Variants in RBFOX1 observed in about 807,000 individuals in gnomAD.
RBFOX1 encodes the protein RNA binding protein fox-1 homolog 1.
A neutral mutation model predicts 57.7 loss-of-function variants in RBFOX1; 8 were observed. That is an observed-to-expected ratio of 0.14 (90% CI 0.08 to 0.25). The LOEUF is 0.25. Ranked by LOEUF, RBFOX1 falls within the 10% of genes least tolerant of loss-of-function variation. The pLI, the probability that RBFOX1 is intolerant of heterozygous loss-of-function variation, is 1.00. For missense variants in RBFOX1, 611 were observed against 548.5 expected (o/e 1.11, Z -1.14); for synonymous variants, 326 against 222.4 (o/e 1.47, Z -4.15).
Position 7,332,888 on chromosome 16 carries a change from A to G in RBFOX1, c.28-185259A>G, listed in dbSNP as rs760329270. 1.5e-5 allele frequency: 23 copies of G among 1,565,774 alleles called. No individual in the cohort carries two copies. The Admixed American group carries it at 2.8e-4, about 19-fold the overall frequency. ...CGTTGATGAGTGCTTGGCTCCTGACAGAAGGGATTTGGCTCCCAGCTTTGT... is the reference window on the plus strand; with the variant it reads ...CGTTGATGAGTGCTTGGCTCCTGACGGAAGGGATTTGGCTCCCAGCTTTGT... On this transcript the variant is annotated intron_variant, in intron 4 of 15. Coordinates refer to ENST00000550418, the MANE Select transcript of RBFOX1 (RefSeq NM_018723.4).
rs144198088 is a variant in RBFOX1 at position 6,520,752 on chromosome 16, G to A, written c.-63-133851G>A. ...CTCTAAGTGGCTTCGTTTCGATCAA[G>A]TGCCAGTCCCTTGATTTGGTTATAC... On this transcript the variant is annotated intron_variant, in intron 2 of 15. Coordinates refer to ENST00000550418, the MANE Select transcript of RBFOX1 (RefSeq NM_018723.4). 2.2e-3 allele frequency among the ~76,000 whole-genome samples: 338 copies of A among 152,274 alleles called. 2 individuals carry two copies. The highest frequency in any genetic ancestry group is 7.4e-3 in the African/African-American group (309 of 41,554).
In RBFOX1 at chr16:6,538,224, C is replaced by G. The variant is rs1019273416; in HGVS notation, c.-63-116379C>G. Among the ~76,000 whole-genome samples the G allele has an allele frequency of 2.0e-5, 3 of 152,154 alleles. No individual in the cohort carries two copies. In the East Asian group the frequency reaches 5.8e-4, roughly 29 times the overall value. Reference sequence around the variant, plus strand: ...ATGCAAATCAGGCCAGGCATGGAGGCTCATACCTGTAATCCCAGTACTTGG... The same window carrying G: ...ATGCAAATCAGGCCAGGCATGGAGGGTCATACCTGTAATCCCAGTACTTGG... On this transcript the variant is annotated intron_variant, in intron 2 of 15. Coordinates refer to ENST00000550418, the MANE Select transcript of RBFOX1 (RefSeq NM_018723.4).
At chr16:6,877,845 C>A (rs537569216) in intron 3 of RBFOX1, among the ~76,000 whole-genome samples, 113 of 152,160 alleles carry the variant, frequency 7.4e-4, no homozygotes, top group Admixed American at 1.2e-3. Context: ...TCTTCCTATC[C>A]CCAAAATACC....
At chr16:7,060,308 G>A (rs1186585186) in intron 4 of RBFOX1, among the ~76,000 whole-genome samples, 1 of 152,158 alleles carries the variant, frequency 6.6e-6, no homozygotes, top group Non-Finnish European at 1.5e-5. Context: ...ACCCCTGCTG[G>A]TGACTGAAAT....
At chr16:6,653,036 C>G (rs1040588199) in intron 2 of RBFOX1, among the ~76,000 whole-genome samples, 1 of 152,142 alleles carries the variant, frequency 6.6e-6, no homozygotes, top group Non-Finnish European at 1.5e-5. Flanking sequence ...CCACAGTGGC[C>G]TCCTTCCTCT....
intron 1 of RBFOX1, among the ~76,000 whole-genome samples, chr16:5,404,275 G>T (rs146650045): frequency 1.3e-5 from 2 of 152,148 alleles, no homozygotes; most frequent in Admixed American, 1.3e-4. Context: ...ACAATTGCAC[G>T]TGTACCCCAT....
intron 3 of RBFOX1, among the ~76,000 whole-genome samples, chr16:6,732,227 G>A (rs114511513): frequency 1.1e-3 from 169 of 152,318 alleles, no homozygotes; most frequent in African/African-American, 3.9e-3. Context: ...TGCAGCCTCA[G>A]CTGGCATGTA....
chr16:7,132,311 T>C (rs538455429), intron 4 of RBFOX1, among the ~76,000 whole-genome samples: 6 of 152,010 alleles, frequency 3.9e-5, no homozygotes, highest in Non-Finnish European at 7.4e-5. Context: ...CAATGTTCTT[T>C]ATCTGTATAT....
intron 3 of RBFOX1, among the ~76,000 whole-genome samples, chr16:5,827,420 AAG>A: frequency 6.6e-6 from 1 of 151,592 alleles, no homozygotes; most frequent in Non-Finnish European, 1.5e-5. Context: ...AAAAAAAAAA[AAG>A]AAAAGAAAAA....
intron 4 of RBFOX1, among the ~76,000 whole-genome samples, chr16:5,993,433 GAGAC>G (rs2060440154): frequency 6.6e-6 from 1 of 151,856 alleles, no homozygotes; most frequent in Non-Finnish European, 1.5e-5. Flanking sequence ...GAGACAGAGA[GAGAC>G]AGAGACTTTC....
At chr16:5,907,887 A>G (rs757906726) in intron 4 of RBFOX1, among the ~76,000 whole-genome samples, 14 of 151,766 alleles carry the variant, frequency 9.2e-5, no homozygotes, top group Non-Finnish European at 2.1e-4. Context: ...GCTAGCTAGG[A>G]TTACAGGCAT....
intron 3 of RBFOX1, among the ~76,000 whole-genome samples, chr16:5,637,403 A>G (rs1044389250): frequency 5.9e-5 from 9 of 152,078 alleles, no homozygotes; most frequent in African/African-American, 2.2e-4. Context: ...GCTCCTTCCC[A>G]CAGGTGACCC....
intron 4 of RBFOX1, among the ~76,000 whole-genome samples, chr16:7,473,096 C>T (rs566453484): frequency 3.9e-5 from 6 of 152,192 alleles, no homozygotes; most frequent in African/African-American, 1.4e-4. Context: ...AAAGGATCTC[C>T]GCTAGGTGCA....
At chr16:7,245,071 G>C (rs528173714) in intron 4 of RBFOX1, among the ~76,000 whole-genome samples, 1 of 152,230 alleles carries the variant, frequency 6.6e-6, no homozygotes, top group South Asian at 2.1e-4. Flanking sequence ...ACCTAAGAGA[G>C]TCTGAAAAGT....
At chr16:7,039,847 G>C (rs1029839238) in intron 3 of RBFOX1, among the ~76,000 whole-genome samples, 16 of 152,088 alleles carry the variant, frequency 1.1e-4, no homozygotes, top group Admixed American at 9.8e-4. Flanking sequence ...ACGAGGCAAA[G>C]CGACCTCTCT....
chr16:7,220,391 C>T (rs954022197), intron 4 of RBFOX1, among the ~76,000 whole-genome samples: 7 of 152,148 alleles, frequency 4.6e-5, no homozygotes, highest in Admixed American at 4.6e-4. Flanking sequence ...TCTGTTGTTG[C>T]TCAAAGAAGG....
In RBFOX1 at chr16:7,484,837, G is replaced by C. The variant is rs1311472094; in HGVS notation, c.28-33310G>C. On this transcript the variant is annotated intron_variant, in intron 4 of 15. Coordinates refer to ENST00000550418, the MANE Select transcript of RBFOX1 (RefSeq NM_018723.4). Reference sequence around the variant, plus strand: ...ATCTAACTAGCATGGATATCCTCTGGGCTCTGTTTTTTCTGATTTAATGGC... The same window carrying C: ...ATCTAACTAGCATGGATATCCTCTGCGCTCTGTTTTTTCTGATTTAATGGC... 2.6e-5 allele frequency among the ~76,000 whole-genome samples: 4 copies of C among 152,058 alleles called. No homozygotes were observed. The East Asian group carries it at 7.7e-4, about 29-fold the overall frequency.
intron 4 of RBFOX1, among the ~76,000 whole-genome samples, chr16:5,939,094 G>C (rs1393480388): frequency 6.6e-6 from 1 of 152,058 alleles, no homozygotes; most frequent in Non-Finnish European, 1.5e-5. Context: ...GCGTGTCGTG[G>C]GGTTGGGGGA....
At chr16:6,773,374 G>GTA (rs200059392) in intron 3 of RBFOX1, among the ~76,000 whole-genome samples, 3 of 143,060 alleles carry the variant, frequency 2.1e-5, no homozygotes, top group African/African-American at 2.6e-5. Context: ...TTGTGTGTGT[G>GTA]TGTGTGGGCG....
Sources: gnomAD v4.1 joint callset for allele counts (sites outside exome capture counted in the v4.1 genomes callset) on GRCh38, gnomAD v4.1.1 for gene constraint, MANE v1.5 for transcripts, NCBI Gene and HGNC (gene_info 2026-07-23, HGNC 2026-07-21) for gene names.